FOXP2: variants seen among roughly 807,000 people sequenced by gnomAD.
FOXP2 encodes forkhead box protein P2.
FOXP2 carries 12 observed loss-of-function variants against 115.8 expected under a neutral mutation model. That is an observed-to-expected ratio of 0.10 (90% CI 0.07 to 0.17). The LOEUF (loss-of-function observed/expected upper bound fraction) is 0.17. Among genes scored for constraint, FOXP2 ranks in the 10% least tolerant of loss-of-function variants. FOXP2 has a pLI of 1.00. For missense variants in FOXP2, 629 were observed against 843.5 expected, an observed-to-expected ratio of 0.75 and a Z score of 3.15; for synonymous variants, 328 against 297.7, an observed-to-expected ratio of 1.10 and a Z score of -1.05.
intron 1 of FOXP2, among the ~76,000 whole-genome samples, chr7:114,273,514 G>C (rs959240862): frequency 6.6e-6 from 1 of 152,156 alleles, no homozygotes; most frequent in Non-Finnish European, 1.5e-5. Flanking sequence ...TTTTCTGCCT[G>C]ATAGATCTGC....
At chr7:114,549,652 T>A (rs565594659) in intron 3 of FOXP2, among the ~76,000 whole-genome samples, 2 of 152,300 alleles carry the variant, frequency 1.3e-5, no homozygotes, top group East Asian at 3.9e-4. Flanking sequence ...ATAATGATTT[T>A]TAATAATCAG....
chr7:114,375,513 G>A (rs1792117751), intron 2 of FOXP2, among the ~76,000 whole-genome samples: 1 of 152,142 alleles, frequency 6.6e-6, no homozygotes, highest in Admixed American at 6.5e-5. Flanking sequence ...GGTTGTTTTA[G>A]TTATATTGCT....
chr7:114,399,212 A>G (rs1454001716), intron 2 of FOXP2, among the ~76,000 whole-genome samples: 1 of 149,932 alleles, frequency 6.7e-6, no homozygotes, highest in East Asian at 2.0e-4. Flanking sequence ...AATTCAAGTG[A>G]TTCTCCTGAC....
intron 2 of FOXP2, among the ~76,000 whole-genome samples, chr7:114,366,282 A>T (rs1299693738): frequency 6.6e-6 from 1 of 152,174 alleles, no homozygotes; most frequent in African/African-American, 2.4e-5. Context: ...AGGTTATTTC[A>T]AAAGCTTCAT....
rs930272135 is a variant in FOXP2, at chr7:114,691,404, A to C, written c.*1478A>C. 1.3e-5 allele frequency: 6 copies of C among 453,830 alleles called. No individual in the cohort carries two copies. Among genetic ancestry groups the C allele is most frequent in the African/African-American group, 1.2e-4 (6 of 49,950 alleles). 28.1% of individuals were successfully genotyped at this position (453,830 alleles called of 1,614,324 possible). A position where few individuals can be genotyped will look rare whatever the true frequency, so the allele number is the denominator to read the frequency against. On this transcript the variant is annotated 3_prime_UTR_variant, in exon 17 of 17. Transcript: ENST00000350908. ...ATAGCAATTGTAGTCCATGGTATTT[A>C]TTTTCAGTCAAACCAAAGTTACATA...
intron 1 of FOXP2, among the ~76,000 whole-genome samples, chr7:114,263,599 G>A (rs778675859): frequency 1.3e-4 from 19 of 151,606 alleles, no homozygotes; most frequent in Non-Finnish European, 1.5e-4. Context: ...GATTACAGGC[G>A]TGAGCCACTG....
intron 2 of FOXP2, among the ~76,000 whole-genome samples, chr7:114,441,648 C>G (rs142482037): frequency 6.6e-6 from 1 of 152,030 alleles, no homozygotes; most frequent in South Asian, 2.1e-4. Flanking sequence ...ATATAAAGAG[C>G]ACTTACAACT....
At chr7:114,518,874 A>G (rs1798475184) in intron 2 of FOXP2, among the ~76,000 whole-genome samples, 2 of 152,266 alleles carry the variant, frequency 1.3e-5, no homozygotes, top group African/African-American at 4.8e-5. Flanking sequence ...ATCATTCTTC[A>G]AGTAAGTAGA....
intron 3 of FOXP2, among the ~76,000 whole-genome samples, chr7:114,627,898 A>G (rs1394498403): frequency 6.6e-6 from 1 of 151,972 alleles, no homozygotes; most frequent in Non-Finnish European, 1.5e-5. Context: ...AGACCTATGT[A>G]TGTCATTATT....
At chr7:114,100,680 G>A (rs1030395231) in intron 1 of FOXP2, among the ~76,000 whole-genome samples, 5 of 152,052 alleles carry the variant, frequency 3.3e-5, no homozygotes, top group Non-Finnish European at 7.4e-5. Flanking sequence ...TGAGCAAAAC[G>A]TGGTTAAGAA....
intron 6 of FOXP2, among the ~76,000 whole-genome samples, chr7:114,636,953 C>G (rs1805254212): frequency 6.6e-6 from 1 of 152,120 alleles, no homozygotes; most frequent in Admixed American, 6.5e-5. Flanking sequence ...GCTGGAGGAT[C>G]ACTTCAGCCC....
At chr7:114,459,545 A>G (rs1306352489) in intron 2 of FOXP2, among the ~76,000 whole-genome samples, 6 of 152,216 alleles carry the variant, frequency 3.9e-5, no homozygotes, top group Non-Finnish European at 8.8e-5. Flanking sequence ...AGGTTATCAA[A>G]TCTTCACTCA....
chr7:114,127,415 T>C (rs1021675286), intron 1 of FOXP2, among the ~76,000 whole-genome samples: 5 of 152,174 alleles, frequency 3.3e-5, no homozygotes, highest in Admixed American at 3.3e-4. Flanking sequence ...GGCTACCTTA[T>C]GGTCTGTCTA....
intron 3 of FOXP2, among the ~76,000 whole-genome samples, chr7:114,604,527 A>T (rs10239870): frequency 0.11 from 17,331 of 152,190 alleles, 1,083 homozygotes; most frequent in Middle Eastern, 0.18. Context: ...TTCTAATAGA[A>T]ACTAATAAAT....
At chr7:114,254,187 T>C (rs1795534813) in intron 1 of FOXP2, among the ~76,000 whole-genome samples, 1 of 152,226 alleles carries the variant, frequency 6.6e-6, no homozygotes, top group Admixed American at 6.5e-5. Context: ...GGGCTTCCCT[T>C]TGTGGGTAAC....
chr7:114,266,125 A>G (rs1057393269), intron 1 of FOXP2, among the ~76,000 whole-genome samples: 2 of 151,794 alleles, frequency 1.3e-5, no homozygotes, highest in Admixed American at 1.3e-4. Flanking sequence ...TGTCCATATC[A>G]CTATTAGCAT....
intron 13 of FOXP2, 55 bp from the exon 14 acceptor site, chr7:114,662,010 G>T: frequency 6.2e-7 from 1 of 1,602,400 alleles, no homozygotes; most frequent in South Asian, 1.1e-5. Flanking sequence ...ATGTTGGGCT[G>T]CCTTATTAGA....
chr7:114,415,465 TTC>T (rs1793296786), intron 1 of FOXP2, 105 bp downstream of exon 1: 1 of 364,228 alleles, frequency 2.7e-6, no homozygotes, highest in Non-Finnish European at 5.3e-6. Flanking sequence ...TTTTTTTTTT[TTC>T]TGAGACTGTA....
At position 114,565,044 on chromosome 7, in the gene FOXP2, C is replaced by T. The variant is rs562794577; in HGVS notation, c.258+30338C>T. 1.9e-4 allele frequency among the ~76,000 whole-genome samples: 28 copies of T among 151,100 alleles called. No homozygotes were observed. The East Asian group carries it at 3.1e-3, about 17-fold the overall frequency. On this transcript the variant is annotated intron_variant, in intron 3 of 16. Transcript: ENST00000350908. ...TGTAGCTTTTTAAATATTTTGAGAACTGAATCTCAATATAATTCTCTTTTT... is the reference window on the plus strand; with the variant it reads ...TGTAGCTTTTTAAATATTTTGAGAATTGAATCTCAATATAATTCTCTTTTT...
Sources: allele counts gnomAD v4.1 joint callset (sites outside exome capture counted in the v4.1 genomes callset), GRCh38; gene constraint gnomAD v4.1.1; transcripts MANE v1.5; gene names NCBI Gene and HGNC (gene_info 2026-07-23, HGNC 2026-07-21).